The following WDPCP variants were observed in gnomAD, a reference collection of about 807,000 sequenced individuals.
WDPCP encodes the protein WD repeat containing planar cell polarity effector, also known as WD repeat-containing and planar cell polarity effector protein fritz homolog.
In WDPCP, 71 loss-of-function variants were observed where a neutral mutation model predicts 93.1. That is an observed-to-expected ratio of 0.76 (90% CI 0.63 to 0.93). WDPCP has a LOEUF of 0.93. WDPCP is among the 40% of genes least tolerant of loss of function. The probability of loss-of-function intolerance (pLI) is 0.00; values close to 1 mark genes in which losing one functional copy is unlikely to be tolerated. For missense variants in WDPCP, 844 were observed against 887.4 expected (o/e 0.95, Z 0.62); for synonymous variants, 315 against 315.0 (o/e 1.00, Z 0.00).
intron 15 of WDPCP, among the ~76,000 whole-genome samples, chr2:63,169,105 A>G (rs1422948026): frequency 6.6e-6 from 1 of 152,166 alleles, no homozygotes; most frequent in Non-Finnish European, 1.5e-5. Context: ...TCTACTTAAC[A>G]TACAGTATTT....
intron 14 of WDPCP, among the ~76,000 whole-genome samples, chr2:63,234,059 G>A (rs1679161833): frequency 6.6e-6 from 1 of 152,150 alleles, no homozygotes; most frequent in Non-Finnish European, 1.5e-5. Context: ...GATATGTTGT[G>A]AGGTGGCCGT....
chr2:63,335,731 A>G (rs776235121), intron 12 of WDPCP, among the ~76,000 whole-genome samples: 5 of 152,210 alleles, frequency 3.3e-5, no homozygotes, highest in African/African-American at 7.2e-5. Context: ...GAGCAACTCC[A>G]TCTTAAATAG....
In WDPCP at chr2:63,802,281, T is replaced by TAAAAAAAAAAAA. The variant is rs58717654; in HGVS notation, n.308+11329_308+11340dup. 4.2e-4 allele frequency among the ~76,000 whole-genome samples: 23 copies of TAAAAAAAAAAAA among 54,408 alleles called. 4 individuals carry two copies. Among genetic ancestry groups the TAAAAAAAAAAAA allele is most frequent in the East Asian group, 6.1e-4 (1 of 1,630 alleles). 35.7% of individuals were successfully genotyped at this position (54,408 alleles called of 152,430 possible). A position where few individuals can be genotyped will look rare whatever the true frequency, so the allele number is the denominator to read the frequency against. On this transcript the variant is annotated intron_variant and non_coding_transcript_variant, in intron 2 of 4. Transcript: ENST00000467687. ...GGCAACATTATGATACCCTCTCTCT[T>TAAAAAAAAAAAA]AAAAAAAAAAAAAAAAAAAAAAAAA...
At chr2:63,164,462 G>A (rs1270172466) in intron 15 of WDPCP, among the ~76,000 whole-genome samples, 6 of 152,110 alleles carry the variant, frequency 3.9e-5, no homozygotes, top group Non-Finnish European at 1.5e-5. Flanking sequence ...GTTTAAAAGT[G>A]TGTGGCACCT....
Position 63,647,091 on chromosome 2 carries a change from G to GT in WDPCP, n.488+3567dup, listed in dbSNP as rs765257570. On this transcript the variant is annotated intron_variant and non_coding_transcript_variant, in intron 3 of 4. Transcript: ENST00000467687. ...CTATATCCTGTAGGTGTGCTTCATT[G>GT]TTTTTTCTTCTTTTTTCCTTTTGTC... Among the ~76,000 whole-genome samples, 9 of 151,912 alleles carry GT rather than the reference G, an allele frequency of 5.9e-5. No individual in the cohort carries two copies. The East Asian group carries it at 1.5e-3, about 26-fold the overall frequency.
chr2:63,771,032 T>G (rs1202732712), intron 2 of WDPCP, among the ~76,000 whole-genome samples: 1 of 151,710 alleles, frequency 6.6e-6, no homozygotes, highest in African/African-American at 2.4e-5. Flanking sequence ...ATATTTTAAA[T>G]TTTTCACATT....
chr2:63,266,535 C>T (rs535690261), intron 13 of WDPCP, among the ~76,000 whole-genome samples: 25 of 152,228 alleles, frequency 1.6e-4, no homozygotes, highest in Middle Eastern at 3.4e-3. Flanking sequence ...CGGCTGGGCA[C>T]GGTGGCTCAC....
chr2:63,494,993 A>T (rs1701139726), intron 1 of WDPCP, among the ~76,000 whole-genome samples: 1 of 151,250 alleles, frequency 6.6e-6, no homozygotes, highest in African/African-American at 2.4e-5. Flanking sequence ...GGATAGTGAT[A>T]GGTGAAGTAG....
chr2:63,722,097 C>G (rs1438858559), intron 2 of WDPCP, among the ~76,000 whole-genome samples: 1 of 152,204 alleles, frequency 6.6e-6, no homozygotes, highest in African/African-American at 2.4e-5. Flanking sequence ...ACCTCCCCGC[C>G]GCCTGCCTTG....
At chr2:63,790,705 T>C (rs1670531902) in intron 2 of WDPCP, among the ~76,000 whole-genome samples, 1 of 152,072 alleles carries the variant, frequency 6.6e-6, no homozygotes, top group Non-Finnish European at 1.5e-5. Context: ...GATGATGAAA[T>C]AAAGGAAAGT....
At chr2:63,782,629 G>A (rs1279825145) in intron 2 of WDPCP, among the ~76,000 whole-genome samples, 1 of 152,112 alleles carries the variant, frequency 6.6e-6, no homozygotes, top group Non-Finnish European at 1.5e-5. Flanking sequence ...TCTTATACCA[G>A]TCAGAATTTT....
At chr2:63,639,979 A>T (rs1709962994) in intron 3 of WDPCP, among the ~76,000 whole-genome samples, 1 of 152,124 alleles carries the variant, frequency 6.6e-6, no homozygotes, top group Admixed American at 6.5e-5. Flanking sequence ...TATTCCAGAG[A>T]GATCAAGATT....
chr2:63,202,403 C>G (rs1289424622), intron 14 of WDPCP, among the ~76,000 whole-genome samples: 1 of 151,932 alleles, frequency 6.6e-6, no homozygotes, highest in African/African-American at 2.4e-5. Flanking sequence ...CCTGAATGTT[C>G]CCATCAGCAC....
intron 12 of WDPCP, among the ~76,000 whole-genome samples, chr2:63,345,657 A>G (rs1364916891): frequency 6.6e-6 from 1 of 152,228 alleles, no homozygotes; most frequent in Non-Finnish European, 1.5e-5. Context: ...AAGATGCAAC[A>G]TCAAGGCAGG....
At chr2:63,728,817 T>C (rs1458498838) in intron 2 of WDPCP, among the ~76,000 whole-genome samples, 2 of 152,196 alleles carry the variant, frequency 1.3e-5, no homozygotes, top group African/African-American at 4.8e-5. Context: ...AAGGAAATTT[T>C]CAATATACAG....
At chr2:63,435,654 T>C (rs1697088703) in intron 8 of WDPCP, among the ~76,000 whole-genome samples, 1 of 152,072 alleles carries the variant, frequency 6.6e-6, no homozygotes. Flanking sequence ...TTCCTATGAG[T>C]TTAATATTAT....
At chr2:63,298,690 G>T (rs891015857) in intron 13 of WDPCP, among the ~76,000 whole-genome samples, 10 of 152,060 alleles carry the variant, frequency 6.6e-5, no homozygotes, top group Non-Finnish European at 1.3e-4. Context: ...GAGGTTTTGG[G>T]ACTTGGGCTG....
At chr2:63,402,878 CA>C (rs1369163240) in intron 10 of WDPCP, among the ~76,000 whole-genome samples, 2 of 152,174 alleles carry the variant, frequency 1.3e-5, no homozygotes, top group Non-Finnish European at 2.9e-5. Context: ...AGCAATTCCT[CA>C]AAGAGCTAAA....
chr2:63,637,308 T>C (rs1161252779), intron 3 of WDPCP, among the ~76,000 whole-genome samples: 1 of 149,964 alleles, frequency 6.7e-6, no homozygotes, highest in Non-Finnish European at 1.5e-5. Flanking sequence ...GCCGAGATCA[T>C]GCCACTGCAC....
Sources: gnomAD v4.1 joint callset for allele counts (sites outside exome capture counted in the v4.1 genomes callset) on GRCh38, gnomAD v4.1.1 for gene constraint, MANE v1.5 for transcripts, NCBI Gene and HGNC (gene_info 2026-07-23, HGNC 2026-07-21) for gene names.